RGS20: variants seen among roughly 807,000 people sequenced by gnomAD.
RGS20 encodes gz-selective GTPase-activating protein.
Under a neutral mutation model 33.6 loss-of-function variants are expected in RGS20, and 30 were observed. The observed-to-expected ratio is 0.89, with a 90% CI of 0.67 to 1.21. RGS20 has a LOEUF of 1.21. Among genes scored for constraint, RGS20 ranks in the 50% most tolerant of loss-of-function variants. The pLI, the probability that RGS20 is intolerant of heterozygous loss-of-function variation, is 0.00. For synonymous variants in RGS20, 208 were observed against 197.9 expected (o/e 1.05, Z -0.43); for missense variants, 472 against 502.4 (o/e 0.94, Z 0.58).
At chr8:53,930,758 G>A (rs1461287675) in intron 2 of RGS20, among the ~76,000 whole-genome samples, 6 of 151,844 alleles carry the variant, frequency 4.0e-5, no homozygotes, top group South Asian at 2.1e-4. Flanking sequence ...CATGTTGGCC[G>A]GGCTGGTCTC....
rs1178436696 is a variant in RGS20, at chr8:53,909,209, GTATATATATATATATATATATATATATA to G, written c.510+29626_510+29653del. Among the ~76,000 whole-genome samples, 51 of 43,734 alleles carry G rather than the reference GTATATATATATATATATATATATATATA, an allele frequency of 1.2e-3. 2 individuals are homozygous for G. The highest frequency in any genetic ancestry group is 3.3e-3 in the East Asian group (4 of 1,218). The allele number at this position is 43,734 out of a possible 152,430, so 28.7% of individuals were successfully genotyped here. On this transcript the variant is annotated intron_variant, in intron 2 of 5. Coordinates refer to ENST00000297313, the MANE Select transcript of RGS20 (RefSeq NM_170587.4). ...CTCTATTATCCATTATGGTATGTGT[GTATATATATATATATATATATATATATA>G]TATATATATATATATATACTTTTTT...
intron 2 of RGS20, among the ~76,000 whole-genome samples, chr8:53,885,564 A>G (rs182211994): frequency 1.0e-3 from 156 of 152,170 alleles, no homozygotes; most frequent in African/African-American, 3.7e-3. Flanking sequence ...CAGTGACCCG[A>G]GATTGCGCCA....
intron 1 of RGS20, among the ~76,000 whole-genome samples, chr8:53,868,957 T>C (rs2129270931): frequency 6.6e-6 from 1 of 152,262 alleles, no homozygotes; most frequent in Non-Finnish European, 1.5e-5. Flanking sequence ...TTCACCATGT[T>C]GGCCAGGCTG....
chr8:53,951,813 T>C (rs1814714923), intron 4 of RGS20, among the ~76,000 whole-genome samples: 1 of 151,906 alleles, frequency 6.6e-6, no homozygotes, highest in Non-Finnish European at 1.5e-5. Flanking sequence ...GGTAGGGAGT[T>C]TGAGGCCAGC....
intron 5 of RGS20, among the ~76,000 whole-genome samples, chr8:53,956,856 A>G (rs1411695644): frequency 6.6e-6 from 1 of 152,140 alleles, no homozygotes; most frequent in Non-Finnish European, 1.5e-5. Context: ...GTATTATACA[A>G]CCAAAAACAG....
At chr8:53,878,317 C>T (rs1812254201) in intron 1 of RGS20, among the ~76,000 whole-genome samples, 1 of 152,042 alleles carries the variant, frequency 6.6e-6, no homozygotes, top group Non-Finnish European at 1.5e-5. Flanking sequence ...TGAGTTCAAC[C>T]CCTTTATAAA....
At chr8:53,911,923 G>A (rs1035140771) in intron 2 of RGS20, among the ~76,000 whole-genome samples, 1 of 152,068 alleles carries the variant, frequency 6.6e-6, no homozygotes, top group Non-Finnish European at 1.5e-5. Flanking sequence ...CTTGGGTGAT[G>A]GAGTGAGATT....
At chr8:53,888,234 T>A (rs974445873) in intron 2 of RGS20, among the ~76,000 whole-genome samples, 3 of 152,210 alleles carry the variant, frequency 2.0e-5, no homozygotes, top group Non-Finnish European at 2.9e-5. Flanking sequence ...TTTCAGTTGT[T>A]AGGACTGTTT....
At chr8:53,895,714 G>A (rs572545106) in intron 2 of RGS20, among the ~76,000 whole-genome samples, 53 of 150,466 alleles carry the variant, frequency 3.5e-4, no homozygotes, top group Non-Finnish European at 7.2e-4. Context: ...GCGGGATCTC[G>A]GCTCACTGCA....
At chr8:53,916,625 T>C (rs1288009862) in intron 2 of RGS20, among the ~76,000 whole-genome samples, 3 of 152,202 alleles carry the variant, frequency 2.0e-5, no homozygotes, top group African/African-American at 7.2e-5. Context: ...TGTCAATTCC[T>C]GATGTTTTAA....
chr8:53,905,981 G>A (rs1236233205), intron 2 of RGS20, among the ~76,000 whole-genome samples: 1 of 151,914 alleles, frequency 6.6e-6, no homozygotes, highest in Non-Finnish European at 1.5e-5. Flanking sequence ...TCCTCCTCCC[G>A]TTCATTCGAC....
At chr8:53,906,748 C>T (rs1400174495) in intron 2 of RGS20, among the ~76,000 whole-genome samples, 1 of 152,102 alleles carries the variant, frequency 6.6e-6, no homozygotes, top group Non-Finnish European at 1.5e-5. Context: ...GAATGAGGCT[C>T]ATGAGGAAAG....
chr8:53,888,002 A>G (rs560122677), intron 2 of RGS20, among the ~76,000 whole-genome samples: 8 of 151,824 alleles, frequency 5.3e-5, no homozygotes, highest in African/African-American at 1.7e-4. Context: ...GTATATGTAT[A>G]TTTTTCTCTA....
intron 2 of RGS20, among the ~76,000 whole-genome samples, chr8:53,912,683 T>C (rs897011965): frequency 2.6e-5 from 4 of 152,188 alleles, no homozygotes; most frequent in African/African-American, 7.2e-5. Flanking sequence ...TATATACATA[T>C]GTAGTGTGCA....
intron 1 of RGS20, among the ~76,000 whole-genome samples, chr8:53,854,505 A>G (rs1811632092): frequency 6.6e-6 from 1 of 152,214 alleles, no homozygotes; most frequent in African/African-American, 2.4e-5. Context: ...AGGAGATGCA[A>G]ATTAAAGTCA....
chr8:53,920,607 T>G (rs2129286232), intron 2 of RGS20, among the ~76,000 whole-genome samples: 1 of 152,338 alleles, frequency 6.6e-6, no homozygotes, highest in East Asian at 1.9e-4. Context: ...TTTTCTTATT[T>G]CTGATCTTAG....
chr8:53,908,604 C>G (rs1813248950), intron 2 of RGS20, among the ~76,000 whole-genome samples: 2 of 151,362 alleles, frequency 1.3e-5, no homozygotes, highest in Admixed American at 6.6e-5. Flanking sequence ...CATGCCATTG[C>G]ACTCCAGCCT....
intron 1 of RGS20, among the ~76,000 whole-genome samples, chr8:53,866,751 G>A (rs898901893): frequency 1.3e-5 from 2 of 152,088 alleles, no homozygotes; most frequent in African/African-American, 4.8e-5. Context: ...CAGAGGCGCC[G>A]TGTAGGTGCA....
At chr8:53,861,678 T>C (rs1211482154) in intron 1 of RGS20, among the ~76,000 whole-genome samples, 2 of 152,250 alleles carry the variant, frequency 1.3e-5, no homozygotes, top group African/African-American at 4.8e-5. Context: ...GAGAAAGTAT[T>C]ATTACCATCA....
Sources: allele counts gnomAD v4.1 joint callset (sites outside exome capture counted in the v4.1 genomes callset), GRCh38; gene constraint gnomAD v4.1.1; transcripts MANE v1.5; gene names NCBI Gene and HGNC (gene_info 2026-07-23, HGNC 2026-07-21).